DNER: variants seen among roughly 807,000 people sequenced by gnomAD.
DNER encodes delta/notch like EGF repeat containing.
DNER carries 33 observed loss-of-function variants against 78.2 expected under a neutral mutation model. That is an observed-to-expected ratio of 0.42 (90% CI 0.32 to 0.56). The LOEUF (loss-of-function observed/expected upper bound fraction) is 0.56, where lower values mean the gene tolerates loss of function less well. Among genes scored for constraint, DNER ranks in the 20% least tolerant of loss-of-function variants. DNER has a pLI of 0.11. For synonymous variants in DNER, 417 were observed against 384.8 expected (o/e 1.08, Z -0.98); for missense variants, 918 against 975.3 (o/e 0.94, Z 0.78).
At chr2:229,359,480 T>C (rs1235947763) in intron 12 of DNER, among the ~76,000 whole-genome samples, 1 of 152,066 alleles carries the variant, frequency 6.6e-6, no homozygotes, top group Admixed American at 6.6e-5. Context: ...AGCCCTGGAG[T>C]GCAACAGGAT....
At position 229,588,507 on chromosome 2, in the gene DNER, A is replaced by AAC; in HGVS notation, c.586-21_586-20dup. Reference sequence around the variant, plus strand: ...GGATCACCTGGGAAGGGAAAAAAAAAACGACATATGATTGGGGTTGTTTAT... The same window carrying AAC: ...GGATCACCTGGGAAGGGAAAAAAAAAACACGACATATGATTGGGGTTGTTTAT... On this transcript the variant is annotated intron_variant, in intron 2 of 12. Coordinates refer to ENST00000341772, the MANE Select transcript of DNER (RefSeq NM_139072.4). 1.2e-6 allele frequency: 2 copies of AAC among 1,605,266 alleles called. No homozygotes were observed. Among genetic ancestry groups the AAC allele is most frequent in the Non-Finnish European group, 1.7e-6 (2 of 1,173,850 alleles).
intron 7 of DNER, among the ~76,000 whole-genome samples, chr2:229,475,653 G>C (rs530558501): frequency 6.6e-6 from 1 of 152,134 alleles, no homozygotes; most frequent in Non-Finnish European, 1.5e-5. Context: ...ATTGTAGTAC[G>C]AGTGCAAGCA....
intron 8 of DNER, among the ~76,000 whole-genome samples, chr2:229,418,772 T>G (rs995420087): frequency 4.6e-5 from 7 of 151,050 alleles, no homozygotes; most frequent in African/African-American, 1.5e-4. Context: ...ATACAAAAAA[T>G]TAGCCAGGCG....
intron 11 of DNER, among the ~76,000 whole-genome samples, chr2:229,370,058 G>T (rs139626476): frequency 1.3e-5 from 2 of 152,110 alleles, no homozygotes; most frequent in Non-Finnish European, 2.9e-5. Context: ...GTCCATTATC[G>T]TTGAGAGTAT....
chr2:229,646,090 C>A (rs1208830394), intron 1 of DNER, among the ~76,000 whole-genome samples: 1 of 152,204 alleles, frequency 6.6e-6, no homozygotes, highest in African/African-American at 2.4e-5. Flanking sequence ...TAACTTTTGG[C>A]AGCTCCCTCT....
At chr2:229,521,442 T>C (rs1422881050) in intron 5 of DNER, among the ~76,000 whole-genome samples, 2 of 152,210 alleles carry the variant, frequency 1.3e-5, no homozygotes, top group African/African-American at 4.8e-5. Flanking sequence ...CAAGGATCTA[T>C]TAACCCAGCT....
chr2:229,610,857 G>A (rs1290153052), intron 1 of DNER, among the ~76,000 whole-genome samples: 2 of 152,238 alleles, frequency 1.3e-5, no homozygotes, highest in African/African-American at 4.8e-5. Context: ...GTGTGCCAAA[G>A]TGCTATGGGG....
At chr2:229,393,417 C>A (rs1232043099) in intron 10 of DNER, among the ~76,000 whole-genome samples, 1 of 151,240 alleles carries the variant, frequency 6.6e-6, no homozygotes, top group African/African-American at 2.4e-5. Context: ...CAGAGTGAGA[C>A]TCCGTCTCAA....
intron 1 of DNER, among the ~76,000 whole-genome samples, chr2:229,622,028 G>A (rs1698259175): frequency 6.6e-6 from 1 of 152,228 alleles, no homozygotes; most frequent in Non-Finnish European, 1.5e-5. Flanking sequence ...GGAGCTTGCA[G>A]TGAGCCGAGA....
chr2:229,594,776 G>T (rs776137427), intron 1 of DNER, among the ~76,000 whole-genome samples: 1 of 151,990 alleles, frequency 6.6e-6, no homozygotes, highest in Non-Finnish European at 1.5e-5. Flanking sequence ...GAAGGCAGAA[G>T]GTAAGGGTTA....
chr2:229,706,396 CAAAAAA>C (rs35958661), intron 1 of DNER, among the ~76,000 whole-genome samples: 68 of 119,870 alleles, frequency 5.7e-4, no homozygotes, highest in Non-Finnish European at 9.2e-4. Flanking sequence ...AGTAAAAATA[CAAAAAA>C]AAAAAAAAAA....
chr2:229,368,994 T>C (rs1187830032), intron 11 of DNER, among the ~76,000 whole-genome samples: 2 of 152,214 alleles, frequency 1.3e-5, no homozygotes, highest in African/African-American at 4.8e-5. Flanking sequence ...AGGATCATCT[T>C]CCAGCATAAG....
At chr2:229,387,968 GCATGAGTAGCAGTGAA>G (rs1424579834) in intron 11 of DNER, among the ~76,000 whole-genome samples, 1 of 151,988 alleles carries the variant, frequency 6.6e-6, no homozygotes, top group East Asian at 1.9e-4. Context: ...ATTTTTGGCT[GCATGAGTAGCAGTGAA>G]CTCTGGATGA....
intron 1 of DNER, among the ~76,000 whole-genome samples, chr2:229,622,150 G>C (rs952363978): frequency 1.3e-5 from 2 of 152,128 alleles, no homozygotes; most frequent in African/African-American, 4.8e-5. Flanking sequence ...CTCTATACCT[G>C]ACCTCTTTCC....
At chr2:229,390,165 C>T (rs760586287) in intron 10 of DNER, among the ~76,000 whole-genome samples, 1 of 152,174 alleles carries the variant, frequency 6.6e-6, no homozygotes, top group Non-Finnish European at 1.5e-5. Context: ...GAGATATTTA[C>T]TAAACAATAG....
intron 5 of DNER, among the ~76,000 whole-genome samples, chr2:229,519,763 G>A (rs1045366215): frequency 6.6e-6 from 1 of 152,186 alleles, no homozygotes; most frequent in Non-Finnish European, 1.5e-5. Flanking sequence ...TCTGGCTAAT[G>A]AGTTGACAAC....
intron 1 of DNER, among the ~76,000 whole-genome samples, chr2:229,678,610 G>A (rs1470917907): frequency 6.6e-6 from 1 of 152,202 alleles, no homozygotes; most frequent in Admixed American, 6.5e-5. Flanking sequence ...GCAAAAGCTA[G>A]ACCAGTATTT....
intron 11 of DNER, among the ~76,000 whole-genome samples, chr2:229,384,883 AGAGGGACTCCTTCC>A (rs897836519): frequency 3.3e-5 from 5 of 152,162 alleles, no homozygotes; most frequent in African/African-American, 1.2e-4. Flanking sequence ...ACAATAGAAA[AGAGGGACTCCTTCC>A]CAACTCATTT....
Position 229,452,505 on chromosome 2 carries a change from G to A in DNER, c.1262-4965C>T, listed in dbSNP as rs527846805. On this transcript the variant is annotated intron_variant, in intron 7 of 12. Coordinates refer to ENST00000341772, the MANE Select transcript of DNER (RefSeq NM_139072.4). ...AAAGCATGCCCCTTCCAAAAAAGAC[G>A]GCCGCCATAACCTGCAGCCAATTTG... 8.7e-4 allele frequency among the ~76,000 whole-genome samples: 132 copies of A among 152,208 alleles called. 2 individuals carry two copies. In the East Asian group the frequency reaches 0.023, roughly 26 times the overall value.
Sources: allele counts gnomAD v4.1 joint callset (sites outside exome capture counted in the v4.1 genomes callset), GRCh38; gene constraint gnomAD v4.1.1; transcripts MANE v1.5; gene names NCBI Gene and HGNC (gene_info 2026-07-23, HGNC 2026-07-21).